Variants in SLIT3 observed in about 807,000 individuals in gnomAD.
The protein encoded by SLIT3 is slit homolog 3 protein.
Under a neutral mutation model 184.0 loss-of-function variants are expected in SLIT3, and 68 were observed. That is an observed-to-expected ratio of 0.37 (90% confidence interval 0.30 to 0.45). The LOEUF (loss-of-function observed/expected upper bound fraction) is 0.45. Ranked by LOEUF, SLIT3 falls within the 20% of genes least tolerant of loss-of-function variation. The pLI is 1.00. For missense variants in SLIT3, 1,707 were observed against 2,026.0 expected (o/e 0.84, Z 3.02); for synonymous variants, 831 against 828.6 (o/e 1.00, Z -0.05).
chr5:169,114,011 CAGAA>C (rs1460011136), intron 4 of SLIT3, among the ~76,000 whole-genome samples: 1 of 152,148 alleles, frequency 6.6e-6, no homozygotes, highest in East Asian at 1.9e-4. Context: ...GCATGGCACA[CAGAA>C]AGCACTCAAT....
chr5:168,957,646 T>C (rs1006102951), intron 4 of SLIT3, among the ~76,000 whole-genome samples: 150 of 152,328 alleles, frequency 9.8e-4, no homozygotes, highest in African/African-American at 3.5e-3. Context: ...GAATCACTTG[T>C]GGAGCTGGTC....
intron 4 of SLIT3, chr5:169,024,035 T>C (rs756309648): frequency 2.0e-5 from 3 of 152,290 alleles, no homozygotes; most frequent in Non-Finnish European, 2.9e-5. Flanking sequence ...TCTCAAAACA[T>C]AGCTTCGAGG....
intron 4 of SLIT3, among the ~76,000 whole-genome samples, chr5:169,159,668 C>A (rs760983764): frequency 6.6e-6 from 1 of 151,970 alleles, no homozygotes; most frequent in African/African-American, 2.4e-5. Context: ...CCCAGCTACT[C>A]GGGAGGCTGA....
At chr5:169,032,481 C>T (rs59599859) in intron 4 of SLIT3, among the ~76,000 whole-genome samples, 2 of 151,268 alleles carry the variant, frequency 1.3e-5, no homozygotes, top group Non-Finnish European at 2.9e-5. Context: ...ACCATGTCTT[C>T]TAAGCCTTAC....
chr5:168,844,693 G>A, intron 5 of SLIT3, 38 bp from the exon 6 acceptor site: 2 of 1,606,716 alleles, frequency 1.2e-6, no homozygotes, highest in Non-Finnish European at 1.7e-6. Flanking sequence ...GGCTGAGCGG[G>A]GGCAGCGTGA....
At chr5:169,165,351 G>C (rs1762603227) in intron 4 of SLIT3, among the ~76,000 whole-genome samples, 1 of 152,214 alleles carries the variant, frequency 6.6e-6, no homozygotes, top group Non-Finnish European at 1.5e-5. Flanking sequence ...AATCAGAAGA[G>C]GCTTCTGTAT....
At chr5:169,147,031 A>G (rs1761948150) in intron 4 of SLIT3, among the ~76,000 whole-genome samples, 1 of 152,204 alleles carries the variant, frequency 6.6e-6, no homozygotes, top group African/African-American at 2.4e-5. Context: ...GTGCTTGCTA[A>G]ATGTCAATTG....
chr5:169,182,129 G>A (rs1288454753), intron 4 of SLIT3, among the ~76,000 whole-genome samples: 2 of 152,258 alleles, frequency 1.3e-5, no homozygotes, highest in East Asian at 3.9e-4. Context: ...GGGCGGGCGG[G>A]CCACACTTCT....
intron 4 of SLIT3, among the ~76,000 whole-genome samples, chr5:168,964,412 T>C (rs1763112512): frequency 6.6e-6 from 1 of 152,198 alleles, no homozygotes; most frequent in Non-Finnish European, 1.5e-5. Flanking sequence ...GATATTTACA[T>C]GCACTTCAAG....
At chr5:169,164,560 T>A (rs796138150) in intron 4 of SLIT3, among the ~76,000 whole-genome samples, 1 of 152,210 alleles carries the variant, frequency 6.6e-6, no homozygotes, top group African/African-American at 2.4e-5. Context: ...TCCCATTCTC[T>A]CCGGGCTGTT....
chr5:168,670,416 T>G (rs754436025), intron 34 of SLIT3, among the ~76,000 whole-genome samples: 11 of 152,228 alleles, frequency 7.2e-5, no homozygotes, highest in Non-Finnish European at 1.2e-4. Context: ...CACCCAGTAT[T>G]GCTCTGAATT....
At position 168,806,588 on chromosome 5, in the gene SLIT3, C is replaced by A; in HGVS notation, c.794-1G>T. ...CAGGATGGGGGCTCCGAGTGGGGGG[C>A]TGTGGAGCCAAGACACAACGGTCAA... On this transcript the variant is annotated splice_acceptor_variant, in intron 8 of 35. Transcript: ENST00000519560. LOFTEE classifies it high-confidence loss of function. 6.2e-7 allele frequency: 1 copy of A among 1,614,058 alleles called. No homozygotes were observed. Among genetic ancestry groups the A allele is most frequent in the Non-Finnish European group, 8.5e-7 (1 of 1,179,980 alleles).
chr5:169,212,857 C>T (rs1318592380), intron 3 of SLIT3, among the ~76,000 whole-genome samples: 3 of 152,162 alleles, frequency 2.0e-5, no homozygotes, highest in African/African-American at 7.2e-5. Flanking sequence ...CAGTTTTCTG[C>T]ATATGGCTAG....
chr5:169,017,630 A>G (rs1329523351), intron 4 of SLIT3, among the ~76,000 whole-genome samples: 2 of 152,346 alleles, frequency 1.3e-5, no homozygotes, highest in East Asian at 1.9e-4. Flanking sequence ...AAGCCTCTGC[A>G]TGGCAATGGG....
chr5:168,731,436 C>A (rs1201564835), intron 20 of SLIT3, among the ~76,000 whole-genome samples: 3 of 151,980 alleles, frequency 2.0e-5, no homozygotes, highest in African/African-American at 7.2e-5. Context: ...GGAAGTAATT[C>A]TCCCTTACTC....
At chr5:169,064,804 A>G (rs1330829757) in intron 4 of SLIT3, among the ~76,000 whole-genome samples, 1 of 152,152 alleles carries the variant, frequency 6.6e-6, no homozygotes, top group African/African-American at 2.4e-5. Context: ...CCTTTTGAAT[A>G]TTTCATATAG....
chr5:168,870,075 T>C (rs555349624), intron 5 of SLIT3, among the ~76,000 whole-genome samples: 31 of 152,382 alleles, frequency 2.0e-4, no homozygotes, highest in Non-Finnish European at 3.4e-4. Context: ...CTGAAACATC[T>C]GCTCCAATAA....
At chr5:168,731,319 C>G (rs1179459633) in intron 20 of SLIT3, among the ~76,000 whole-genome samples, 1 of 151,708 alleles carries the variant, frequency 6.6e-6, no homozygotes, top group Non-Finnish European at 1.5e-5. Flanking sequence ...AAACTGCCAC[C>G]AAAAAGCCCA....
At chr5:168,962,311 AACACACACAC>A (rs70979116) in intron 4 of SLIT3, among the ~76,000 whole-genome samples, 4 of 147,530 alleles carry the variant, frequency 2.7e-5, no homozygotes, top group African/African-American at 1.0e-4. Flanking sequence ...CCCACCCCAC[AACACACACAC>A]ACACACACAC....
Sources: gnomAD v4.1 joint callset for allele counts (sites outside exome capture counted in the v4.1 genomes callset) on GRCh38, gnomAD v4.1.1 for gene constraint, MANE v1.5 for transcripts, NCBI Gene and HGNC (gene_info 2026-07-23, HGNC 2026-07-21) for gene names.